PRDM16: variants seen among roughly 807,000 people sequenced by gnomAD.
PRDM16 encodes the protein histone-lysine N-methyltransferase PRDM16.
Under a neutral mutation model 110.6 loss-of-function variants are expected in PRDM16, and 23 were observed. The observed-to-expected ratio is 0.21, with a 90% CI of 0.15 to 0.29. PRDM16 has a LOEUF of 0.29. Ranked by LOEUF, PRDM16 falls within the 10% of genes least tolerant of loss-of-function variation. PRDM16 has a pLI of 1.00. For synonymous variants in PRDM16, 799 were observed against 781.8 expected, an observed-to-expected ratio of 1.02 and a Z score of -0.37; for missense variants, 1,615 against 1,794.3, an observed-to-expected ratio of 0.90 and a Z score of 1.81.
chr1:3,159,050 T>G (rs1557490985), intron 1 of PRDM16, among the ~76,000 whole-genome samples: 1 of 152,222 alleles, frequency 6.6e-6, no homozygotes. Context: ...GGATTGCAGG[T>G]GTGGCCACCA....
chr1:3,406,239 GCAGCGGTGTGGGGTTA>G (rs1052789689), intron 8 of PRDM16, among the ~76,000 whole-genome samples: 28 of 152,150 alleles, frequency 1.8e-4, no homozygotes, highest in Admixed American at 1.3e-3. Context: ...AGCTCTGGGT[GCAGCGGTGTGGGGTTA>G]CAGCCTCACA....
chr1:3,344,665 A>G (rs1240927771), intron 3 of PRDM16, among the ~76,000 whole-genome samples: 3 of 152,134 alleles, frequency 2.0e-5, no homozygotes, highest in African/African-American at 7.2e-5. Context: ...TTCCTCTGAA[A>G]AGTTTTGGTT....
intron 16 of PRDM16, among the ~76,000 whole-genome samples, chr1:3,433,281 G>GTCTTCC (rs1395942402): frequency 6.6e-6 from 1 of 152,276 alleles, no homozygotes; most frequent in Non-Finnish European, 1.5e-5. Context: ...GCCTGCTCAT[G>GTCTTCC]TCTTCCTCTT....
Position 3,069,361 on chromosome 1 carries a change from G to A in PRDM16, c.37+65G>A. 1 of 779,914 alleles carries A rather than the reference G, an allele frequency of 1.3e-6. No homozygotes were observed. The highest frequency in any genetic ancestry group is 1.6e-6 in the Non-Finnish European group (1 of 642,380). The allele number at this position is 779,914 out of a possible 1,614,324, so 48.3% of individuals were successfully genotyped here. ...CCGGGCCGCCGGGCCGGGGCGCCCG[G>A]GCCAGGGGTGCGCGTCGGGGCGCGG... On this transcript the variant is annotated intron_variant, in intron 1 of 16. Coordinates refer to ENST00000270722, the MANE Select transcript of PRDM16 (RefSeq NM_022114.4). The surrounding 1 kb of genome is among the most constrained non-coding windows in gnomAD (Gnocchi z 6.1).
In PRDM16 at chr1:3,080,199, A is replaced by T. The variant is rs1641990824; in HGVS notation, c.37+10903A>T. Among the ~76,000 whole-genome samples the T allele has an allele frequency of 6.6e-6, 1 of 152,106 alleles. No homozygotes were observed. Among genetic ancestry groups the T allele is most frequent in the African/African-American group, 2.4e-5 (1 of 41,424 alleles). On this transcript the variant is annotated intron_variant, in intron 1 of 16. Coordinates refer to ENST00000270722, the MANE Select transcript of PRDM16 (RefSeq NM_022114.4). The surrounding 1 kb of genome is among the most constrained non-coding windows in gnomAD (Gnocchi z 5.2). ...GGCCCTCTTGAAAAATTACAGAATT[A>T]TGCTGCCAGTGTCAGGTTCCCAGAT...
chr1:3,131,547 A>C (rs1039573167), intron 1 of PRDM16, among the ~76,000 whole-genome samples: 1 of 152,264 alleles, frequency 6.6e-6, no homozygotes, highest in African/African-American at 2.4e-5. Flanking sequence ...AGTGGACATA[A>C]TTAAAACTCT....
intron 3 of PRDM16, among the ~76,000 whole-genome samples, chr1:3,372,028 G>C (rs905757782): frequency 6.6e-6 from 1 of 152,212 alleles, no homozygotes; most frequent in African/African-American, 2.4e-5. Context: ...AAATGTGTCT[G>C]GTCCTCCTAA....
intron 8 of PRDM16, among the ~76,000 whole-genome samples, chr1:3,409,683 T>TGC (rs1461544418): frequency 6.6e-6 from 1 of 150,728 alleles, no homozygotes; most frequent in African/African-American, 2.4e-5. Flanking sequence ...GGTGTGTGTG[T>TGC]GCGTGTGTGT....
rs553705305 is a variant in PRDM16, at chr1:3,236,777, C to T, written c.388-7310C>T. On this transcript the variant is annotated intron_variant, in intron 2 of 16. Coordinates refer to ENST00000270722, the MANE Select transcript of PRDM16 (RefSeq NM_022114.4). ...AAATTCGGGAGGCTACTTTACCTCT[C>T]TGAGCCCCTTCCTCTTCTGCACAGA... is the stretch of plus-strand genomic sequence containing the variant. Among the ~76,000 whole-genome samples the T allele has an allele frequency of 2.0e-5, 3 of 152,372 alleles. No homozygotes were observed. The East Asian group carries it at 5.8e-4, about 29-fold the overall frequency.
At chr1:3,252,295 G>C (rs973201941) in intron 3 of PRDM16, among the ~76,000 whole-genome samples, 1 of 152,208 alleles carries the variant, frequency 6.6e-6, no homozygotes, top group Non-Finnish European at 1.5e-5. Flanking sequence ...GTCCCTGTGC[G>C]GGCATTGGGG....
chr1:3,300,743 A>G (rs1483950883), intron 3 of PRDM16, among the ~76,000 whole-genome samples: 2 of 152,096 alleles, frequency 1.3e-5, no homozygotes, highest in Non-Finnish European at 1.5e-5. Flanking sequence ...ACCTTGTACC[A>G]TCCCCCCGAA....
chr1:3,116,236 G>A lies in PRDM16; in HGVS notation c.37+46940G>A, dbSNP rs183579616. Among the ~76,000 whole-genome samples the A allele has an allele frequency of 3.9e-5, 6 of 152,264 alleles. No individual in the cohort carries two copies. The East Asian group carries it at 9.7e-4, about 25-fold the overall frequency. On this transcript the variant is annotated intron_variant, in intron 1 of 16. Coordinates refer to ENST00000270722, the MANE Select transcript of PRDM16 (RefSeq NM_022114.4). ...GATGGTTCCAGACCCCATGGCACCC[G>A]TGTCTCTGCAGTGTGTCCCTCTCAT...
chr1:3,341,240 C>T (rs887119499), intron 3 of PRDM16, among the ~76,000 whole-genome samples: 4 of 152,124 alleles, frequency 2.6e-5, no homozygotes, highest in African/African-American at 7.2e-5. Flanking sequence ...TGGCAGATGG[C>T]GGCTGTCTTA....
intron 3 of PRDM16, among the ~76,000 whole-genome samples, chr1:3,260,513 G>A (rs1640135115): frequency 6.6e-6 from 1 of 151,930 alleles, no homozygotes; most frequent in South Asian, 2.1e-4. Flanking sequence ...AAGTTGTGGT[G>A]TGTAAAGCAA....
At chr1:3,421,922 A>G (rs1156567253) in intron 12 of PRDM16, among the ~76,000 whole-genome samples, 2 of 53,884 alleles carry the variant, frequency 3.7e-5, no homozygotes, top group Admixed American at 3.0e-4. Flanking sequence ...ACAGGAAGAC[A>G]GACAGGCAGG....
At chr1:3,334,595 T>C (rs1110307) in intron 3 of PRDM16, among the ~76,000 whole-genome samples, 27,930 of 152,090 alleles carry the variant, frequency 0.18, 5,280 homozygotes, top group African/African-American at 0.47. Flanking sequence ...ATGGCCACAA[T>C]GCCTGCCTTG....
At chr1:3,256,314 AG>A (rs1640044097) in intron 3 of PRDM16, among the ~76,000 whole-genome samples, 2 of 152,290 alleles carry the variant, frequency 1.3e-5, no homozygotes, top group African/African-American at 4.8e-5. Flanking sequence ...GGGCAGGGGC[AG>A]GGCTCTGTGT....
At chr1:3,267,119 T>C (rs775283812) in intron 3 of PRDM16, among the ~76,000 whole-genome samples, 4 of 152,218 alleles carry the variant, frequency 2.6e-5, no homozygotes, top group Admixed American at 6.5e-5. Context: ...TGTCTAGTTC[T>C]GGAGCATCTT....
rs1394308404 is a variant in PRDM16, at chr1:3,412,020, A to G, written c.1823A>G (p.Asn608Ser). 3 of 1,613,548 alleles carry G rather than the reference A, an allele frequency of 1.9e-6. No homozygotes were observed. The highest frequency in any genetic ancestry group is 2.2e-5 in the South Asian group (2 of 91,072). The change falls in exon 9 of 17, where the codon AAC (asparagine) becomes AGC (serine). Residue 608 changes from asparagine to serine, a missense_variant. Coordinates refer to ENST00000270722, the MANE Select transcript of PRDM16 (RefSeq NM_022114.4). ...MSDGSDFEDV[N>S]TTTGTDLDTT... ...GACGGCAGTGACTTTGAGGACGTCAACACCACCACGGGGACCGACCTGGAC... is the reference window on the plus strand; with the variant it reads ...GACGGCAGTGACTTTGAGGACGTCAGCACCACCACGGGGACCGACCTGGAC...
Sources: gnomAD v4.1 joint callset for allele counts (sites outside exome capture counted in the v4.1 genomes callset) on GRCh38, gnomAD v4.1.1 for gene constraint, Gnocchi (gnomAD v3.1) non-coding constraint, MANE v1.5 for transcripts, NCBI Gene and HGNC (gene_info 2026-07-23, HGNC 2026-07-21) for gene names.